The following RIGI variants were observed in gnomAD, a reference collection of about 807,000 sequenced individuals.
RIGI encodes RNA sensor RIG-I.
chr9:32,484,873 A>T, the RIGI span, among the ~76,000 whole-genome samples: 1 of 152,200 alleles, frequency 6.6e-6, no homozygotes, highest in Non-Finnish European at 1.5e-5. Context: ...ATTCAGGTGA[A>T]CAGGAAAGTC....
the RIGI span, among the ~76,000 whole-genome samples, chr9:32,525,675 T>C: frequency 6.6e-6 from 1 of 152,202 alleles, no homozygotes; most frequent in South Asian, 2.1e-4. Flanking sequence ...TATCTGCCCT[T>C]TGTGTCCCAT....
the RIGI span, among the ~76,000 whole-genome samples, chr9:32,516,370 CTG>C: frequency 6.6e-6 from 1 of 152,206 alleles, no homozygotes; most frequent in East Asian, 1.9e-4. Context: ...GTTTGGCTTT[CTG>C]TGTGGCTACC....
the RIGI span, among the ~76,000 whole-genome samples, chr9:32,510,190 C>T: frequency 3.3e-5 from 5 of 152,028 alleles, no homozygotes; most frequent in Non-Finnish European, 7.4e-5. Context: ...GGAGAACGTC[C>T]CCAACCTAGC....
the RIGI span, among the ~76,000 whole-genome samples, chr9:32,469,774 G>C: frequency 6.6e-6 from 1 of 152,198 alleles, no homozygotes; most frequent in African/African-American, 2.4e-5. Flanking sequence ...AATCATGGCG[G>C]ACACCCAAAA....
chr9:32,482,076 T>C, the RIGI span, among the ~76,000 whole-genome samples: 1,334 of 152,224 alleles, frequency 8.8e-3, 25 homozygotes, highest in African/African-American at 0.03. Context: ...CCTTCCCCCA[T>C]TGAGATAACA....
At chr9:32,483,204 G>A in the RIGI span, among the ~76,000 whole-genome samples, 1 of 152,236 alleles carries the variant, frequency 6.6e-6, no homozygotes, top group East Asian at 1.9e-4. Flanking sequence ...AAAGTCACAA[G>A]CAAGAGCTGT....
At chr9:32,503,566 T>C in the RIGI span, among the ~76,000 whole-genome samples, 1 of 152,138 alleles carries the variant, frequency 6.6e-6, no homozygotes, top group Non-Finnish European at 1.5e-5. Context: ...GCATAGTATA[T>C]AGTAAATGTG....
the RIGI span, among the ~76,000 whole-genome samples, chr9:32,496,288 G>A: frequency 6.6e-6 from 1 of 152,124 alleles, no homozygotes; most frequent in Non-Finnish European, 1.5e-5. Context: ...TTAATTTTCT[G>A]TGTCAACTTG....
chr9:32,494,502 A>G, the RIGI span, among the ~76,000 whole-genome samples: 10 of 152,212 alleles, frequency 6.6e-5, no homozygotes, highest in African/African-American at 2.4e-4. Context: ...AGAAACATAC[A>G]TAAGATGTTC....
chr9:32,473,123 CA>C, the RIGI span: 1 of 1,275,246 alleles, frequency 7.8e-7, no homozygotes. Flanking sequence ...TGTATTAATT[CA>C]ATATTGAAAT....
At chr9:32,488,737 T>A in the RIGI span, 1 of 1,606,586 alleles carries the variant, frequency 6.2e-7, no homozygotes. Flanking sequence ...TACCTACCCA[T>A]GTCTTTCAAA....
At chr9:32,487,587 G>A in the RIGI span, 3 of 1,614,052 alleles carry the variant, frequency 1.9e-6, no homozygotes, top group African/African-American at 1.3e-5. Flanking sequence ...GGCTTCATCT[G>A]TGTTTTTGGC....
chr9:32,509,685 A>G, the RIGI span, among the ~76,000 whole-genome samples: 2 of 152,242 alleles, frequency 1.3e-5, no homozygotes, highest in East Asian at 3.9e-4. Context: ...CTTCTCCTCC[A>G]AAGGATCACA....
chr9:32,458,188 TA>T, the RIGI span, among the ~76,000 whole-genome samples: 17 of 152,228 alleles, frequency 1.1e-4, no homozygotes, highest in African/African-American at 3.9e-4. Flanking sequence ...GCAAGAGTTA[TA>T]CCCCATATTT....
chr9:32,498,319 G>C, the RIGI span: 1 of 456,656 alleles, frequency 2.2e-6, no homozygotes, highest in Admixed American at 2.3e-5. Flanking sequence ...CACCTGCCCA[G>C]GTGCATGCTT....
chr9:32,521,016 T>TG, the RIGI span, among the ~76,000 whole-genome samples: 4 of 151,388 alleles, frequency 2.6e-5, no homozygotes, highest in African/African-American at 4.9e-5. Context: ...TGTGGTGGCA[T>TG]GGCCTGTAAT....
the RIGI span, among the ~76,000 whole-genome samples, chr9:32,511,854 G>C: frequency 6.6e-6 from 1 of 152,034 alleles, no homozygotes. Flanking sequence ...TAAAGAAGAA[G>C]AGAGAGATGA....
chr9:32,456,518 T>A, the RIGI span: 1 of 153,510 alleles, frequency 6.5e-6, no homozygotes, highest in Non-Finnish European at 1.4e-5. Flanking sequence ...ATGTACAGTA[T>A]ATACATGTAT....
At chr9:32,488,737 T>C in the RIGI span, 2 of 1,606,586 alleles carry the variant, frequency 1.2e-6, no homozygotes, top group East Asian at 2.2e-5. Context: ...TACCTACCCA[T>C]GTCTTTCAAA....
Sources: allele counts gnomAD v4.1 joint callset (sites outside exome capture counted in the v4.1 genomes callset), GRCh38; gene constraint gnomAD v4.1.1; transcripts MANE v1.5; gene names NCBI Gene and HGNC (gene_info 2026-07-23, HGNC 2026-07-21).